Variants in SUMF2 observed in about 807,000 individuals in gnomAD.
SUMF2 encodes sulfatase modifying factor 2, also known as inactive C-alpha-formylglycine-generating enzyme 2.
SUMF2 carries 45 observed loss-of-function variants against 44.8 expected under a neutral mutation model. That is an observed-to-expected ratio of 1.00 (90% CI 0.79 to 1.29). The LOEUF is 1.29. SUMF2 is among the 50% of genes most tolerant of loss of function. The probability of loss-of-function intolerance (pLI) is 0.00; values close to 1 mark genes in which losing one functional copy is unlikely to be tolerated. For synonymous variants in SUMF2, 148 were observed against 150.4 expected (o/e 0.98, Z 0.12); for missense variants, 418 against 389.9 (o/e 1.07, Z -0.61).
intron 1 of SUMF2, among the ~76,000 whole-genome samples, chr7:56,066,131 A>C (rs184967794): frequency 1.1e-4 from 16 of 151,978 alleles, no homozygotes; most frequent in East Asian, 3.9e-4. Context: ...AACAAAAAAA[A>C]CGAAAAACTG....
chr7:56,076,746 T>G, intron 5 of SUMF2, 88 bp from the exon 6 acceptor site: 1 of 1,270,566 alleles, frequency 7.9e-7, no homozygotes, highest in Non-Finnish European at 1.1e-6. Flanking sequence ...CTAACTTCCT[T>G]TTGATTCCCT....
downstream of SUMF2, among the ~76,000 whole-genome samples, chr7:56,082,903 C>T (rs62457287): frequency 0.17 from 26,420 of 151,958 alleles, 2,610 homozygotes; most frequent in Admixed American, 0.24. Flanking sequence ...GTCAGGAGTT[C>T]GAGACCAGCC....
At position 56,079,806 on chromosome 7, in the gene SUMF2, G is replaced by A. The variant is rs923375358; in HGVS notation, c.*194G>A. The stretch of plus-strand genomic sequence containing the variant: ...ACTCAGCCTCCTGTGTTTTGGAGAA[G>A]GGGCCCAATGTGTGTTGACGATGGC... On this transcript the variant is annotated 3_prime_UTR_variant, in exon 9 of 9. Transcript: ENST00000434526. 2 of 1,552,738 alleles carry A rather than the reference G, an allele frequency of 1.3e-6. No homozygotes were observed. The highest frequency in any genetic ancestry group is 1.7e-6 in the Non-Finnish European group (2 of 1,147,366).
downstream of SUMF2, chr7:56,081,524 G>T: frequency 7.3e-7 from 1 of 1,378,100 alleles, no homozygotes; most frequent in Non-Finnish European, 1.0e-6. The surrounding 1 kb of genome is among the most constrained non-coding windows in gnomAD (Gnocchi z 4.6). Flanking sequence ...GGAGGGGAGG[G>T]ATGGGTACTC....
chr7:56,066,608 T>G (rs1316687056), intron 1 of SUMF2, among the ~76,000 whole-genome samples: 2 of 152,060 alleles, frequency 1.3e-5, no homozygotes, highest in African/African-American at 4.8e-5. Context: ...CCATCATACC[T>G]GGCTTATTTT....
chr7:56,082,960 G>A (rs1319361538), downstream of SUMF2, among the ~76,000 whole-genome samples: 1 of 152,068 alleles, frequency 6.6e-6, no homozygotes, highest in Non-Finnish European at 1.5e-5. Context: ...ACAAAAATTA[G>A]CCGAGCGTTG....
In SUMF2 at chr7:56,079,639, GCCTT is replaced by G. The variant is rs1301869810; in HGVS notation, c.*29_*32del. On this transcript the variant is annotated 3_prime_UTR_variant, in exon 9 of 9. Transcript: ENST00000434526. ...CAGCCGGGTGGTGACAAGGAGAAAA[GCCTT>G]CTAGGGTCACTGTCATTCCCTGGCC... The G allele has an allele frequency of 6.8e-6, 11 of 1,614,202 alleles. No individual in the cohort carries two copies. The highest frequency in any genetic ancestry group is 9.3e-6 in the Non-Finnish European group (11 of 1,180,036).
downstream of SUMF2, among the ~76,000 whole-genome samples, chr7:56,084,560 G>C (rs1206386983): frequency 6.6e-6 from 1 of 151,966 alleles, no homozygotes; most frequent in Non-Finnish European, 1.5e-5. Context: ...TTTTAGTAGA[G>C]ACAGCGTTTC....
chr7:56,084,030 T>C (rs1796143859), downstream of SUMF2: 1 of 636,810 alleles, frequency 1.6e-6, no homozygotes. Context: ...TTTCATGAGG[T>C]AGGCATTTCT....
At chr7:56,068,258 T>A (rs940272906) in intron 1 of SUMF2, among the ~76,000 whole-genome samples, 15 of 151,924 alleles carry the variant, frequency 9.9e-5, no homozygotes, top group Non-Finnish European at 2.2e-4. Context: ...CAGGATGGTC[T>A]TGATCTGACC....
chr7:56,080,709 G>T (rs1197381655), downstream of SUMF2: 3 of 325,314 alleles, frequency 9.2e-6, 1 homozygote, highest in Non-Finnish European at 1.7e-5. Context: ...TGACCCTAAG[G>T]GAAGAAAGCC....
chr7:56,070,169 G>A (rs1795066066), intron 2 of SUMF2, among the ~76,000 whole-genome samples: 1 of 152,012 alleles, frequency 6.6e-6, no homozygotes, highest in African/African-American at 2.4e-5. Context: ...TTGGCCTCCT[G>A]AAGTGTTGGG....
At chr7:56,085,652 T>C (rs975340531), downstream of SUMF2, among the ~76,000 whole-genome samples, 1 of 152,078 alleles carries the variant, frequency 6.6e-6, no homozygotes, top group African/African-American at 2.4e-5. Context: ...CGTCCCTAGA[T>C]AGTCAGTGAG....
chr7:56,082,104 T>TGCCTACTTCCTCCCTTGCCCA, downstream of SUMF2: 2 of 1,611,062 alleles, frequency 1.2e-6, no homozygotes, highest in Admixed American at 3.3e-5. Flanking sequence ...GGCCCAGCCC[T>TGCCTACTTCCTCCCTTGCCCA]GCCTACTTCC....
downstream of SUMF2, chr7:56,081,746 A>G: frequency 6.2e-7 from 1 of 1,613,530 alleles, no homozygotes; most frequent in Non-Finnish European, 8.5e-7. This position sits in a 1 kb window ranked among gnomAD's most constrained non-coding sequence, Gnocchi z 4.6. Flanking sequence ...ACCACCAGGA[A>G]TCGGGAGACC....
rs1483510119 is a variant in SUMF2, at chr7:56,068,532, A to G, written c.118A>G (p.Met40Val). Residue 40 changes from methionine to valine, a missense_variant, in exon 2 of 9, where the codon ATG (methionine) becomes GTG (valine). Transcript: ENST00000434526. ...CCAACTGCAGGGTGGGAGATTCCTG[A>G]TGGGAACAAATTCTCCAGACAGCAG... is the stretch of plus-strand genomic sequence containing the variant. Reference protein sequence around the residue: ...MVQLQGGRFLMGTNSPDSRDG... With the variant: ...MVQLQGGRFLVGTNSPDSRDG... 9.9e-6 allele frequency: 16 copies of G among 1,613,958 alleles called. No individual in the cohort carries two copies. Among genetic ancestry groups the G allele is most frequent in the Non-Finnish European group, 1.2e-5 (14 of 1,179,966 alleles).
At chr7:56,084,681 C>T (rs1018008768), downstream of SUMF2, among the ~76,000 whole-genome samples, 15 of 151,938 alleles carry the variant, frequency 9.9e-5, no homozygotes, top group Admixed American at 3.3e-4. Flanking sequence ...CCGAGTATCC[C>T]GATTTTTTCC....
chr7:56,081,221 C>T (rs753474163), downstream of SUMF2: 33 of 1,613,622 alleles, frequency 2.0e-5, no homozygotes, highest in Middle Eastern at 1.7e-4. This position sits in a 1 kb window ranked among gnomAD's most constrained non-coding sequence, Gnocchi z 4.6. Flanking sequence ...TCTCGGATGA[C>T]GATCTCCCGG....
At chr7:56,078,224 C>G in intron 7 of SUMF2, 38 bp downstream of exon 7, 1 of 1,591,418 alleles carries the variant, frequency 6.3e-7, no homozygotes, top group South Asian at 1.1e-5. Context: ...TGCCCATGAA[C>G]TGGCTGTTGG....
Sources: gnomAD v4.1 joint callset for allele counts (sites outside exome capture counted in the v4.1 genomes callset) on GRCh38, gnomAD v4.1.1 for gene constraint, Gnocchi (gnomAD v3.1) non-coding constraint, MANE v1.5 for transcripts, NCBI Gene and HGNC (gene_info 2026-07-23, HGNC 2026-07-21) for gene names.